DMD: variants seen among roughly 807,000 people sequenced by gnomAD.
The protein encoded by DMD is dystrophin.
DMD carries 63 observed loss-of-function variants against 330.1 expected under a neutral mutation model. The ratio of observed to expected loss-of-function variants is 0.19; its 90% CI spans 0.16 to 0.24. The LOEUF is 0.24. Among genes scored for constraint, DMD ranks in the 10% least tolerant of loss-of-function variants. The pLI, the probability that DMD is intolerant of heterozygous loss-of-function variation, is 1.00. For missense variants in DMD, 3,344 were observed against 2,684.1 expected, an observed-to-expected ratio of 1.25 and a Z score of -5.43; for synonymous variants, 1,223 against 959.8, an observed-to-expected ratio of 1.27 and a Z score of -5.07.
At chrX:31,323,106 G>A (rs7053781) in intron 62 of DMD, among the ~76,000 whole-genome samples, 5,693 of 111,870 alleles carry the variant, frequency 0.051, 344 homozygotes, top group African/African-American at 0.17. Context: ...AATACTGAGT[G>A]TTATGTATCA....
intron 50 of DMD, among the ~76,000 whole-genome samples, chrX:31,777,474 A>C: frequency 9.8e-6 from 1 of 101,909 alleles, no homozygotes; most frequent in South Asian, 4.4e-4. Flanking sequence ...TTGCTCTATA[A>C]TTTTTTTTTT....
At chrX:32,921,490 G>A (rs774379401) in intron 2 of DMD, among the ~76,000 whole-genome samples, 1 of 111,456 alleles carries the variant, frequency 9.0e-6, no homozygotes, top group Admixed American at 9.5e-5. Context: ...TATGGTATGA[G>A]GAAATTGATG....
intron 59 of DMD, among the ~76,000 whole-genome samples, chrX:31,471,958 C>A (rs2067332462): frequency 8.9e-6 from 1 of 111,993 alleles, no homozygotes; most frequent in South Asian, 3.7e-4. Flanking sequence ...CTAGATAAAA[C>A]CCTGGTTACT....
At chrX:31,661,713 ATG>A (rs753222968) in intron 53 of DMD, among the ~76,000 whole-genome samples, 1,792 of 110,104 alleles carry the variant, frequency 0.016, 40 homozygotes, top group Admixed American at 0.09. Context: ...GCCTTTGTAT[ATG>A]TGTGTGTGTG....
intron 1 of DMD, among the ~76,000 whole-genome samples, chrX:33,205,094 G>A (rs1185066690): frequency 8.9e-6 from 1 of 112,268 alleles, no homozygotes; most frequent in African/African-American, 3.2e-5. Context: ...TGAGCTTCCC[G>A]TAAGCGATTT....
At chrX:31,969,012 A>T (rs1239261392) in intron 44 of DMD, among the ~76,000 whole-genome samples, 1 of 111,790 alleles carries the variant, frequency 8.9e-6, no homozygotes, top group Non-Finnish European at 1.9e-5. Flanking sequence ...TAATTGCTAT[A>T]TTAGAAGAAA....
At chrX:32,248,834 T>A (rs1473274476) in intron 43 of DMD, among the ~76,000 whole-genome samples, 2 of 111,236 alleles carry the variant, frequency 1.8e-5, no homozygotes, top group African/African-American at 6.5e-5. Context: ...ATGAAAATAA[T>A]AATGAAGGTA....
chrX:31,457,463 C>A (rs762028904), intron 59 of DMD, among the ~76,000 whole-genome samples: 27 of 111,340 alleles, frequency 2.4e-4, no homozygotes, highest in Non-Finnish European at 4.3e-4. Flanking sequence ...CAGCTTAAGG[C>A]TAATGGATAT....
chrX:33,309,073 A>G (rs892416700), intron 1 of DMD, among the ~76,000 whole-genome samples: 2 of 111,682 alleles, frequency 1.8e-5, no homozygotes, highest in African/African-American at 6.5e-5. Flanking sequence ...ATATGGGAAC[A>G]CTAAAGCTCT....
intron 19 of DMD, among the ~76,000 whole-genome samples, chrX:32,493,537 C>A (rs780870608): frequency 9.0e-6 from 1 of 111,422 alleles, no homozygotes; most frequent in East Asian, 2.8e-4. Flanking sequence ...TGTTTTTGAT[C>A]GTTAGATTTT....
At chrX:32,619,226 C>T (rs2057809639) in intron 11 of DMD, among the ~76,000 whole-genome samples, 1 of 111,348 alleles carries the variant, frequency 9.0e-6, no homozygotes, top group Non-Finnish European at 1.9e-5. Context: ...AAAACCACTG[C>T]CTAATTTCAC....
chrX:33,057,063 A>AT lies in DMD; in HGVS notation c.32-36864dup, dbSNP rs1009825300. On this transcript the variant is annotated intron_variant, in intron 1 of 78. Coordinates refer to ENST00000357033, the MANE Select transcript of DMD (RefSeq NM_004006.3). Reference sequence around the variant, plus strand: ...GTACATATTGATCAAATTAGAGATGATTTTTTTTTTCACAGCTCAGTGATG... The same window carrying AT: ...GTACATATTGATCAAATTAGAGATGATTTTTTTTTTTCACAGCTCAGTGATG... 1.6e-4 allele frequency among the ~76,000 whole-genome samples: 17 copies of AT among 108,785 alleles called. 1 individual carries two copies. Among genetic ancestry groups the AT allele is most frequent in the South Asian group, 1.2e-3 (3 of 2,596 alleles). The allele number at this position is 108,785 out of a possible 115,157, so 94.5% of individuals were successfully genotyped here. A position where few individuals can be genotyped will look rare whatever the true frequency, so the allele number is the denominator to read the frequency against.
chrX:32,870,135 A>T (rs1205655991), intron 2 of DMD, among the ~76,000 whole-genome samples: 8 of 112,074 alleles, frequency 7.1e-5, no homozygotes, highest in Non-Finnish European at 1.5e-4. Context: ...AATCACAAGC[A>T]TTCCTACAAC....
At chrX:31,187,686 G>A (rs981274173) in intron 67 of DMD, among the ~76,000 whole-genome samples, 6 of 97,346 alleles carry the variant, frequency 6.2e-5, no homozygotes, top group African/African-American at 1.9e-4. Context: ...AAAGCAACAT[G>A]TTAATCAGCT....
chrX:32,705,659 T>C (rs1490921880), intron 7 of DMD, among the ~76,000 whole-genome samples: 1 of 111,662 alleles, frequency 9.0e-6, no homozygotes, highest in African/African-American at 3.3e-5. Context: ...ACTAAAAATA[T>C]AAAAATTTCT....
intron 41 of DMD, among the ~76,000 whole-genome samples, chrX:32,320,431 T>C (rs1363463580): frequency 8.9e-6 from 1 of 111,826 alleles, no homozygotes; most frequent in Non-Finnish European, 1.9e-5. Context: ...CAAATACAAT[T>C]AAAAACTTAG....
chrX:32,073,697 AATAG>A (rs1313455773), intron 44 of DMD, among the ~76,000 whole-genome samples: 7 of 111,656 alleles, frequency 6.3e-5, no homozygotes, highest in African/African-American at 2.3e-4. Context: ...TTGGTGACTT[AATAG>A]ATAAGAGAAT....
intron 2 of DMD, among the ~76,000 whole-genome samples, chrX:32,988,681 T>G (rs1042644056): frequency 5.3e-5 from 6 of 112,335 alleles, no homozygotes; most frequent in African/African-American, 1.9e-4. Context: ...CGGATATGTA[T>G]GTACTACACT....
chrX:31,233,687 TA>T (rs776064327), intron 63 of DMD, among the ~76,000 whole-genome samples: 58 of 112,240 alleles, frequency 5.2e-4, no homozygotes, highest in African/African-American at 1.8e-3. Context: ...CTTCCTGTTT[TA>T]AAAAGTCTTA....
Sources: gnomAD v4.1 joint callset for allele counts (sites outside exome capture counted in the v4.1 genomes callset) on GRCh38, gnomAD v4.1.1 for gene constraint, MANE v1.5 for transcripts, NCBI Gene and HGNC (gene_info 2026-07-23, HGNC 2026-07-21) for gene names.